RRP1B: variants seen among roughly 807,000 people sequenced by gnomAD.
RRP1B encodes ribosomal RNA processing 1B, also known as ribosomal RNA processing protein 1 homolog B.
RRP1B carries 56 observed loss-of-function variants against 80.2 expected under a neutral mutation model. The ratio of observed to expected loss-of-function variants is 0.70; its 90% CI spans 0.56 to 0.87. RRP1B has a LOEUF of 0.87. RRP1B is among the 40% of genes least tolerant of loss of function. The pLI is 0.00. For missense variants in RRP1B, 807 were observed against 939.8 expected (o/e 0.86, Z 1.85); for synonymous variants, 351 against 357.6 (o/e 0.98, Z 0.21).
In RRP1B at chr21:43,659,844, G is replaced by GGGGCCGT; in HGVS notation, c.130+52_130+53insGCCGTGG. 2 of 1,466,852 alleles carry GGGGCCGT rather than the reference G, an allele frequency of 1.4e-6. No homozygotes were observed. The highest frequency in any genetic ancestry group is 1.8e-6 in the Non-Finnish European group (2 of 1,102,706). 90.9% of individuals were successfully genotyped at this position (1,466,852 alleles called of 1,614,324 possible). A position where few individuals can be genotyped will look rare whatever the true frequency, so the allele number is the denominator to read the frequency against. On this transcript the variant is annotated intron_variant, in intron 1 of 15. Transcript: ENST00000340648. This position sits in a 1 kb window ranked among gnomAD's most constrained non-coding sequence, Gnocchi z 4.2. ...GCGCCACATGGCGGGCCGGGGGCCG[G>GGGGCCGT]GGCTGGGGCTAGGGCCAGGGCCCCG...
intron 12 of RRP1B, among the ~76,000 whole-genome samples, 180 bp downstream of exon 12, chr21:43,687,115 C>G (rs2083066211): frequency 6.6e-6 from 1 of 152,066 alleles, no homozygotes; most frequent in Non-Finnish European, 1.5e-5. Flanking sequence ...TTTGGTGGAG[C>G]CGCGTCCCCA....
intron 1 of RRP1B, among the ~76,000 whole-genome samples, chr21:43,665,818 GA>G (rs1424507725): frequency 2.0e-5 from 3 of 152,200 alleles, no homozygotes; most frequent in African/African-American, 7.2e-5. Flanking sequence ...ACCAGAAGCA[GA>G]TGCTGGAGCC....
At chr21:43,690,141 C>T (rs558420897) in intron 13 of RRP1B, 147 bp from the exon 14 acceptor site, 1 of 762,640 alleles carries the variant, frequency 1.3e-6, no homozygotes, top group South Asian at 1.9e-5. Context: ...AATGGAAGGG[C>T]TGTCTGCAAG....
intron 8 of RRP1B, among the ~76,000 whole-genome samples, chr21:43,682,928 A>G (rs1214314335): frequency 6.6e-6 from 1 of 152,116 alleles, no homozygotes; most frequent in African/African-American, 2.4e-5. Flanking sequence ...GCTGGAGTGC[A>G]GTGGCATGAT....
chr21:43,690,439 A>G lies in RRP1B; in HGVS notation c.2018A>G (p.Gln673Arg). Residue 673 changes from glutamine to arginine, a missense_variant and splice_region_variant, in exon 14 of 16, where the codon CAG becomes CGG. Gln to Arg is a conservative substitution (Grantham distance 43, BLOSUM62 1). Transcript: ENST00000340648. ...ACCCACCCTCCAGGCCCTGCCGTCC[A>G]GGTACGCACCCTCCCCAGAGTGGCA... ...TATHPPGPAV[Q>R]LNKTPSSSKK... The G allele has an allele frequency of 1.2e-6, 2 of 1,613,908 alleles. No individual in the cohort carries two copies. The highest frequency in any genetic ancestry group is 1.7e-6 in the Non-Finnish European group (2 of 1,179,942).
At position 43,694,154 on chromosome 21, in the gene RRP1B, G is replaced by C. The variant is rs1020656691; in HGVS notation, c.*771G>C. The C allele has an allele frequency of 6.6e-6, 1 of 152,548 alleles. No individual in the cohort carries two copies. Among genetic ancestry groups the C allele is most frequent in the Non-Finnish European group, 1.5e-5 (1 of 68,194 alleles). 9.4% of individuals were successfully genotyped at this position (152,548 alleles called of 1,614,324 possible). On this transcript the variant is annotated 3_prime_UTR_variant, in exon 16 of 16. Coordinates refer to ENST00000340648, the MANE Select transcript of RRP1B (RefSeq NM_015056.3). ...CTGAGCCTTCTGCTGAGGTCCTTGC[G>C]TGGAGCACACTCATTCCTCCAAGCC... is the stretch of plus-strand genomic sequence containing the variant.
chr21:43,690,488 C>T (rs2083082217), intron 14 of RRP1B, 48 bp downstream of exon 14: 6 of 1,594,566 alleles, frequency 3.8e-6, no homozygotes, highest in Non-Finnish European at 5.1e-6. Flanking sequence ...CACAAGGGCA[C>T]AGATGGGCTT....
chr21:43,682,274 C>T (rs1416647265), intron 8 of RRP1B, among the ~76,000 whole-genome samples: 1 of 152,124 alleles, frequency 6.6e-6, no homozygotes, highest in African/African-American at 2.4e-5. Flanking sequence ...AGTGCAGTTC[C>T]GGACGTTCCC....
At chr21:43,690,013 C>T (rs2083080057) in intron 13 of RRP1B, among the ~76,000 whole-genome samples, 2 of 152,280 alleles carry the variant, frequency 1.3e-5, no homozygotes, top group Non-Finnish European at 1.5e-5. Context: ...AGGCCAAAAT[C>T]CCCATTTTGA....
intron 14 of RRP1B, among the ~76,000 whole-genome samples, chr21:43,690,653 C>T (rs558511935): frequency 3.8e-4 from 58 of 152,152 alleles, no homozygotes; most frequent in African/African-American, 1.3e-3. Flanking sequence ...CTTTGAGGGG[C>T]GGTTGATCCA....
rs759227322 is a variant in RRP1B at position 43,676,728 on chromosome 21, C to T, written c.615-5C>T. On this transcript the variant is annotated splice_region_variant and splice_polypyrimidine_tract_variant and intron_variant, in intron 7 of 15. Transcript: ENST00000340648. Reference sequence around the variant, plus strand: ...ACATGCTCTCCGCTGTGCTTCTACCCTCAGCCACACCCTGGTACAGACCAT... The same window carrying T: ...ACATGCTCTCCGCTGTGCTTCTACCTTCAGCCACACCCTGGTACAGACCAT... 6.2e-7 allele frequency: 1 copy of T among 1,612,938 alleles called. No individual in the cohort carries two copies. Among genetic ancestry groups the T allele is most frequent in the South Asian group, 1.1e-5 (1 of 90,948 alleles).
At position 43,659,876 on chromosome 21, in the gene RRP1B, A is replaced by G; in HGVS notation, c.130+82A>G. 3.7e-6 allele frequency: 5 copies of G among 1,337,406 alleles called. 2 individuals carry two copies. The South Asian group carries it at 8.9e-5, about 24-fold the overall frequency. The allele number at this position is 1,337,406 out of a possible 1,614,324, so 82.8% of individuals were successfully genotyped here. ...GGCTAGGGCCAGGGCCCCGGCACGGAATGCGGCTTCCACGTGTTGTCGTGA... is the reference window on the plus strand; with the variant it reads ...GGCTAGGGCCAGGGCCCCGGCACGGGATGCGGCTTCCACGTGTTGTCGTGA... On this transcript the variant is annotated intron_variant, in intron 1 of 15. Transcript: ENST00000340648. The surrounding 1 kb of genome is among the most constrained non-coding windows in gnomAD (Gnocchi z 4.2).
intron 8 of RRP1B, among the ~76,000 whole-genome samples, chr21:43,682,560 A>C (rs1024185375): frequency 3.3e-5 from 5 of 152,212 alleles, no homozygotes; most frequent in Admixed American, 2.0e-4. Flanking sequence ...CCAAGGTCCT[A>C]AACTGACCTG....
chr21:43,669,591 G>A (rs368895549), intron 1 of RRP1B, among the ~76,000 whole-genome samples: 116 of 152,316 alleles, frequency 7.6e-4, no homozygotes, highest in African/African-American at 2.6e-3. Flanking sequence ...TTGATGAGGA[G>A]CCGATTTCAT....
At position 43,696,005 on chromosome 21, in the gene RRP1B, G is replaced by A. The variant is rs936406945; in HGVS notation, c.*2622G>A. ...CAAGGACTTTGTTTACGATCAAATT[G>A]TACTAGTGTCTGCAGGGTTTGTCAG... On this transcript the variant is annotated 3_prime_UTR_variant, in exon 16 of 16. Transcript: ENST00000340648. 6.6e-6 allele frequency: 1 copy of A among 152,088 alleles called. No individual in the cohort carries two copies. The highest frequency in any genetic ancestry group is 6.5e-5 in the Admixed American group (1 of 15,276). The allele number at this position is 152,088 out of a possible 1,614,324, so 9.4% of individuals were successfully genotyped here.
chr21:43,675,800 A>G (rs913849484), intron 6 of RRP1B, among the ~76,000 whole-genome samples: 1 of 152,178 alleles, frequency 6.6e-6, no homozygotes, highest in Admixed American at 6.5e-5. Flanking sequence ...AATGTGGCCC[A>G]ACACAAATTT....
intron 2 of RRP1B, among the ~76,000 whole-genome samples, chr21:43,671,367 CTTTTTTTTTTTTTT>C: frequency 7.8e-6 from 1 of 128,780 alleles, no homozygotes; most frequent in Admixed American, 7.8e-5. Context: ...ATGAAGTTTT[CTTTTTTTTTTTTTT>C]TTTTTACAGA....
At chr21:43,666,039 G>C (rs1258343231) in intron 1 of RRP1B, among the ~76,000 whole-genome samples, 1 of 152,150 alleles carries the variant, frequency 6.6e-6, no homozygotes, top group Admixed American at 6.5e-5. Context: ...AGCTACATTG[G>C]GATTTCCCTC....
At chr21:43,686,694 T>G in intron 11 of RRP1B, 110 bp from the exon 12 acceptor site, 1 of 1,273,146 alleles carries the variant, frequency 7.9e-7, no homozygotes, top group Non-Finnish European at 1.1e-6. Context: ...GGAGAAACGG[T>G]GAGGAACGAT....
Sources: allele counts gnomAD v4.1 joint callset (sites outside exome capture counted in the v4.1 genomes callset), GRCh38; gene constraint gnomAD v4.1.1; non-coding constraint Gnocchi (gnomAD v3.1); transcripts MANE v1.5; gene names NCBI Gene and HGNC (gene_info 2026-07-23, HGNC 2026-07-21).